The following IMPA2 variants were observed in gnomAD, a reference collection of about 807,000 sequenced individuals.
The protein encoded by IMPA2 is IMP 2.
A neutral mutation model predicts 35.1 loss-of-function variants in IMPA2; 32 were observed. The ratio of observed to expected loss-of-function variants is 0.91; its 90% CI spans 0.69 to 1.23. IMPA2 has a LOEUF of 1.23. Ranked by LOEUF, IMPA2 falls within the 50% of genes most tolerant of loss-of-function variation. The pLI, the probability that IMPA2 is intolerant of heterozygous loss-of-function variation, is 0.00. For synonymous variants in IMPA2, 135 were observed against 160.6 expected, an observed-to-expected ratio of 0.84 and a Z score of 1.20; for missense variants, 334 against 387.6, an observed-to-expected ratio of 0.86 and a Z score of 1.16.
chr18:12,012,244 C>T, intron 4 of IMPA2, 29 bp downstream of exon 4: 1 of 1,593,000 alleles, frequency 6.3e-7, no homozygotes, highest in Non-Finnish European at 8.6e-7. Context: ...TCCCCAGGGC[C>T]CCTCCCTGGG....
intron 5 of IMPA2, among the ~76,000 whole-genome samples, chr18:12,016,424 G>GC (rs139815181): frequency 0.029 from 4,340 of 147,972 alleles, 148 homozygotes; most frequent in African/African-American, 0.078. Flanking sequence ...TGATTCTGCC[G>GC]CTTTTTTTTT....
intron 2 of IMPA2, among the ~76,000 whole-genome samples, chr18:12,003,557 A>G (rs1907170481): frequency 6.6e-6 from 1 of 151,170 alleles, no homozygotes; most frequent in East Asian, 2.0e-4. Flanking sequence ...AGGTTGAGAC[A>G]GGAGAATCGC....
At chr18:11,987,927 G>A (rs1374033496) in intron 1 of IMPA2, among the ~76,000 whole-genome samples, 1 of 151,452 alleles carries the variant, frequency 6.6e-6, no homozygotes, top group Non-Finnish European at 1.5e-5. Context: ...TGATGGGCTT[G>A]AGTTGGTATT....
intron 5 of IMPA2, among the ~76,000 whole-genome samples, chr18:12,020,557 A>T (rs546959299): frequency 1.4e-3 from 214 of 151,970 alleles, no homozygotes; most frequent in Non-Finnish European, 1.9e-3. Context: ...TTATTTCCCA[A>T]TTGTGTTGCT....
At chr18:12,028,799 G>T in intron 6 of IMPA2, 43 bp from the exon 7 acceptor site, 2 of 1,596,100 alleles carry the variant, frequency 1.3e-6, no homozygotes, top group Non-Finnish European at 1.7e-6. Context: ...CACAGAAAAG[G>T]CTCCACTCCC....
rs183564705 is a variant in IMPA2, at chr18:11,996,541, A to G, written c.97-2513A>G. On this transcript the variant is annotated intron_variant, in intron 1 of 7. Transcript: ENST00000269159. Reference sequence around the variant, plus strand: ...CTCAGATGGTGGTCCTGGGTTCAGAACCCACCACCACCTGCCCACCCCGCC... The same window carrying G: ...CTCAGATGGTGGTCCTGGGTTCAGAGCCCACCACCACCTGCCCACCCCGCC... Among the ~76,000 whole-genome samples the G allele has an allele frequency of 2.3e-3, 350 of 152,198 alleles. 2 individuals carry two copies. The highest frequency in any genetic ancestry group is 8.9e-3 in the South Asian group (43 of 4,820).
chr18:12,030,554 C>T lies in IMPA2; in HGVS notation c.*96C>T, dbSNP rs1238518855. 2 of 897,808 alleles carry T rather than the reference C, an allele frequency of 2.2e-6. No homozygotes were observed. Among genetic ancestry groups the T allele is most frequent in the East Asian group, 2.5e-5 (1 of 40,208 alleles). 55.6% of individuals were successfully genotyped at this position (897,808 alleles called of 1,614,324 possible). A position where few individuals can be genotyped will look rare whatever the true frequency, so the allele number is the denominator to read the frequency against. On this transcript the variant is annotated 3_prime_UTR_variant, in exon 8 of 8. Transcript: ENST00000269159. ...TGGCCCACGCTCCATGCCAGTGGCTCACGCTCTGCTCCTGGCTACCCCAGA... is the reference window on the plus strand; with the variant it reads ...TGGCCCACGCTCCATGCCAGTGGCTTACGCTCTGCTCCTGGCTACCCCAGA...
At chr18:12,012,887 C>T (rs1384503233) in intron 4 of IMPA2, among the ~76,000 whole-genome samples, 2 of 152,254 alleles carry the variant, frequency 1.3e-5, no homozygotes, top group African/African-American at 4.8e-5. Context: ...TCAGCACAGA[C>T]TCCCTGGCAG....
intron 4 of IMPA2, 81 bp downstream of exon 4, chr18:12,012,296 C>G: frequency 8.2e-7 from 1 of 1,216,532 alleles, no homozygotes; most frequent in Non-Finnish European, 1.2e-6. Flanking sequence ...AGCCTCTGTG[C>G]GCCTGGTTTG....
Position 12,028,825 on chromosome 18 carries a change from C to A in IMPA2, c.600-17C>A. ...CTCCACTCCCGCCTGCATCTGTCCT[C>A]CCTTCCCTCTCCCCAGGGTCCGAGT... On this transcript the variant is annotated splice_polypyrimidine_tract_variant and intron_variant, in intron 6 of 7. Coordinates refer to ENST00000269159, the MANE Select transcript of IMPA2 (RefSeq NM_014214.3). 6.2e-7 allele frequency: 1 copy of A among 1,612,832 alleles called. No individual in the cohort carries two copies. The highest frequency in any genetic ancestry group is 8.5e-7 in the Non-Finnish European group (1 of 1,179,360).
intron 1 of IMPA2, among the ~76,000 whole-genome samples, chr18:11,986,158 T>G (rs1482308781): frequency 2.6e-5 from 4 of 152,264 alleles, no homozygotes; most frequent in Admixed American, 2.6e-4. Flanking sequence ...TTCCCCCTTC[T>G]CTAGTTGGCC....
chr18:12,028,713 G>T, intron 6 of IMPA2, 129 bp from the exon 7 acceptor site: 2 of 1,087,814 alleles, frequency 1.8e-6, no homozygotes, highest in Non-Finnish European at 2.6e-6. Flanking sequence ...CCAGAGCTTT[G>T]GCAGAAGTGC....
chr18:12,010,642 G>A lies in IMPA2; in HGVS notation c.335+655G>A, dbSNP rs1396970309. Among the ~76,000 whole-genome samples the A allele has an allele frequency of 1.3e-5, 2 of 152,180 alleles. No homozygotes were observed. Among genetic ancestry groups the A allele is most frequent in the South Asian group, 2.1e-4 (1 of 4,834 alleles). ...GCACAGAGCATGATGTGGCTTAAAC[G>A]GAGCGTGGTTCTCCAGCTCTGGAGA... On this transcript the variant is annotated intron_variant, in intron 3 of 7. Transcript: ENST00000269159. The surrounding 1 kb of genome is among the most constrained non-coding windows in gnomAD (Gnocchi z 4.8).
At chr18:12,002,022 A>G (rs959090492) in intron 2 of IMPA2, among the ~76,000 whole-genome samples, 2 of 152,134 alleles carry the variant, frequency 1.3e-5, no homozygotes, top group African/African-American at 4.8e-5. Flanking sequence ...AAAAATTGAC[A>G]TCAAATGCAG....
intron 1 of IMPA2, among the ~76,000 whole-genome samples, chr18:11,986,874 A>C (rs577777781): frequency 1.3e-5 from 2 of 152,240 alleles, no homozygotes; most frequent in African/African-American, 4.8e-5. Flanking sequence ...GTGGGTGTCC[A>C]TGTCCATGTT....
At chr18:12,024,390 A>G (rs1015065006) in intron 5 of IMPA2, among the ~76,000 whole-genome samples, 6 of 122,388 alleles carry the variant, frequency 4.9e-5, no homozygotes, top group Non-Finnish European at 1.1e-4. Context: ...AGGCTGAGAC[A>G]AGAGAACTGC....
At position 11,999,108 on chromosome 18, in the gene IMPA2, G is replaced by T; in HGVS notation, c.151G>T (p.Ala51Ser). 1 of 1,613,670 alleles carries T rather than the reference G, an allele frequency of 6.2e-7. No individual in the cohort carries two copies. Among genetic ancestry groups the T allele is most frequent in the Non-Finnish European group, 8.5e-7 (1 of 1,179,646 alleles). ...EKRVSTKTSA[A>S]DLVTETDHLV... ...ACGTGTCTCAACAAAAACATCAGCT[G>T]CAGATCTTGTGACAGAAACAGATCA... Residue 51 changes from alanine to serine, a missense_variant, in exon 2 of 8, where the codon GCA becomes TCA. Ala to Ser is a moderately conservative substitution (Grantham distance 99, BLOSUM62 1). Coordinates refer to ENST00000269159, the MANE Select transcript of IMPA2 (RefSeq NM_014214.3).
intron 5 of IMPA2, chr18:12,017,685 T>C: frequency 2.5e-6 from 1 of 393,352 alleles, no homozygotes; most frequent in Non-Finnish European, 5.0e-6. Flanking sequence ...ACATCCTAGG[T>C]TCAAGCAATT....
chr18:12,014,360 C>T lies in IMPA2; in HGVS notation c.477C>T (p.Val159=), dbSNP rs979172105. The change falls in exon 5 of 8, where the codon GTC becomes GTT. Residue 159 remains valine (V), a synonymous_variant. Coordinates refer to ENST00000269159, the MANE Select transcript of IMPA2 (RefSeq NM_014214.3). ...TCTGCAATGGCCAGCGGCTCCGGGT[C>T]TCCGGGGAGACAGGTGGGCTTCACA... is the stretch of plus-strand genomic sequence containing the variant. ...GAFCNGQRLR[V]SGETDLSKAL... is the part of the protein sequence containing the mutation. 2 of 1,589,960 alleles carry T rather than the reference C, an allele frequency of 1.3e-6. No homozygotes were observed. The highest frequency in any genetic ancestry group is 1.7e-6 in the Non-Finnish European group (2 of 1,167,868).
Sources: allele counts gnomAD v4.1 joint callset (sites outside exome capture counted in the v4.1 genomes callset), GRCh38; gene constraint gnomAD v4.1.1; non-coding constraint Gnocchi (gnomAD v3.1); transcripts MANE v1.5; gene names NCBI Gene and HGNC (gene_info 2026-07-23, HGNC 2026-07-21).